The following CRTAC1 variants were observed in gnomAD, a reference collection of about 807,000 sequenced individuals.
CRTAC1 encodes the protein cartilage acidic protein 1.
In CRTAC1, 37 loss-of-function variants were observed where a neutral mutation model predicts 67.8. That is an observed-to-expected ratio of 0.55 (90% CI 0.42 to 0.72). The LOEUF is 0.72. Ranked by LOEUF, CRTAC1 falls within the 30% of genes least tolerant of loss-of-function variation. The pLI is 0.00. For synonymous variants in CRTAC1, 348 were observed against 371.0 expected, an observed-to-expected ratio of 0.94 and a Z score of 0.71; for missense variants, 780 against 931.6, an observed-to-expected ratio of 0.84 and a Z score of 2.12.
At chr10:97,921,594 T>TC (rs1422149396) in intron 4 of CRTAC1, among the ~76,000 whole-genome samples, 1 of 152,190 alleles carries the variant, frequency 6.6e-6, no homozygotes. Context: ...GCTCGGCATG[T>TC]CCCTAGTGTA....
At chr10:97,909,256 C>T (rs1043764914) in intron 5 of CRTAC1, among the ~76,000 whole-genome samples, 1 of 152,100 alleles carries the variant, frequency 6.6e-6, no homozygotes. Context: ...GGCCCCACCT[C>T]CAGCTCCCAG....
chr10:97,977,074 C>T (rs2051817419), intron 2 of CRTAC1, among the ~76,000 whole-genome samples: 1 of 152,178 alleles, frequency 6.6e-6, no homozygotes. Flanking sequence ...CTAAGCATTT[C>T]TATGCAGTTG....
intron 11 of CRTAC1, among the ~76,000 whole-genome samples, chr10:97,889,133 G>T (rs1402639793): frequency 6.6e-6 from 1 of 150,762 alleles, no homozygotes; most frequent in Non-Finnish European, 1.5e-5. Flanking sequence ...GGAGGGAAGG[G>T]GGGGAGGGGG....
At chr10:97,929,624 T>G (rs1425381442) in intron 3 of CRTAC1, among the ~76,000 whole-genome samples, 1 of 152,184 alleles carries the variant, frequency 6.6e-6, no homozygotes, top group African/African-American at 2.4e-5. Flanking sequence ...CTTGGGCAAC[T>G]CATGAACTTG....
chr10:98,004,674 T>C (rs561468902), intron 2 of CRTAC1, among the ~76,000 whole-genome samples: 17 of 152,030 alleles, frequency 1.1e-4, no homozygotes, highest in African/African-American at 4.1e-4. Flanking sequence ...ACTTGAGGAA[T>C]GGCAAAATGA....
chr10:98,019,198 C>T (rs1054290056), intron 1 of CRTAC1, among the ~76,000 whole-genome samples: 8 of 152,228 alleles, frequency 5.3e-5, no homozygotes, highest in South Asian at 2.1e-4. Context: ...GACAGAGAGC[C>T]GACTTTGCAA....
Position 97,991,099 on chromosome 10 carries a change from C to CAAAAAAAAAAA in CRTAC1, c.224+20028_224+20038dup, listed in dbSNP as rs757267901. On this transcript the variant is annotated intron_variant, in intron 2 of 14. Coordinates refer to ENST00000370597, the MANE Select transcript of CRTAC1 (RefSeq NM_018058.7). ...GGCAACATACGAGAAACCATCTCTA[C>CAAAAAAAAAAA]AAAAAAAAAAAAAAAAAAAAAAAAA... is the stretch of plus-strand genomic sequence containing the variant. 3.7e-3 allele frequency among the ~76,000 whole-genome samples: 67 copies of CAAAAAAAAAAA among 17,970 alleles called. 4 individuals carry two copies. Among genetic ancestry groups the CAAAAAAAAAAA allele is most frequent in the African/African-American group, 4.7e-3 (25 of 5,336 alleles). 11.8% of individuals were successfully genotyped at this position (17,970 alleles called of 152,430 possible).
At chr10:97,988,239 C>A (rs747959631) in intron 2 of CRTAC1, among the ~76,000 whole-genome samples, 8 of 147,298 alleles carry the variant, frequency 5.4e-5, no homozygotes, top group Non-Finnish European at 1.0e-4. Flanking sequence ...AGTATGCCTC[C>A]TCTAGATCCT....
intron 11 of CRTAC1, among the ~76,000 whole-genome samples, chr10:97,887,839 T>C (rs1040050837): frequency 9.2e-5 from 14 of 152,250 alleles, no homozygotes; most frequent in Non-Finnish European, 2.9e-5. Flanking sequence ...CATCGGCTCT[T>C]GGTCATGGGG....
chr10:97,949,327 C>A (rs1161155067), intron 2 of CRTAC1, among the ~76,000 whole-genome samples: 1 of 152,208 alleles, frequency 6.6e-6, no homozygotes, highest in East Asian at 1.9e-4. Flanking sequence ...AGAAGACAGA[C>A]CCTGCACCAG....
chr10:98,010,555 T>C (rs886375251), intron 2 of CRTAC1, among the ~76,000 whole-genome samples: 1 of 152,206 alleles, frequency 6.6e-6, no homozygotes, highest in African/African-American at 2.4e-5. Flanking sequence ...ATTCCTAGTC[T>C]TATGCTTTTT....
At chr10:97,943,968 T>G (rs2051219154) in intron 2 of CRTAC1, among the ~76,000 whole-genome samples, 1 of 151,804 alleles carries the variant, frequency 6.6e-6, no homozygotes, top group South Asian at 2.1e-4. Context: ...AACAAAAAAT[T>G]AGAATAAGGT....
chr10:97,876,057 A>C (rs1288401686), intron 14 of CRTAC1, among the ~76,000 whole-genome samples: 1 of 152,208 alleles, frequency 6.6e-6, no homozygotes, highest in Non-Finnish European at 1.5e-5. Context: ...GGACTATTTC[A>C]GATCACTAGG....
chr10:97,939,776 C>T (rs1473288807), intron 2 of CRTAC1, among the ~76,000 whole-genome samples: 3 of 152,148 alleles, frequency 2.0e-5, no homozygotes, highest in Admixed American at 6.5e-5. Context: ...TCCCCTCCCA[C>T]GGGGAATGCT....
chr10:98,017,700 A>AT (rs397846855), intron 1 of CRTAC1, among the ~76,000 whole-genome samples: 3,809 of 129,132 alleles, frequency 0.029, 77 homozygotes, highest in African/African-American at 0.06. Context: ...ACTCCTGGCT[A>AT]TTTTTTTTTT....
chr10:97,956,662 C>T (rs1438431993), intron 2 of CRTAC1, among the ~76,000 whole-genome samples: 1 of 146,170 alleles, frequency 6.8e-6, no homozygotes, highest in East Asian at 1.9e-4. Flanking sequence ...TTCTAAATCA[C>T]TGAAATCTAC....
At chr10:97,948,854 A>C (rs2051305535) in intron 2 of CRTAC1, among the ~76,000 whole-genome samples, 1 of 152,196 alleles carries the variant, frequency 6.6e-6, no homozygotes, top group African/African-American at 2.4e-5. Context: ...GGAAGCAAAC[A>C]CTTCCTTCTT....
intron 1 of CRTAC1, among the ~76,000 whole-genome samples, chr10:98,014,669 C>T (rs986686023): frequency 6.6e-6 from 1 of 152,010 alleles, no homozygotes; most frequent in Non-Finnish European, 1.5e-5. Context: ...GACATTTCTC[C>T]GAAGATATAC....
Position 98,010,078 on chromosome 10 carries a change from C to T in CRTAC1, c.224+1060G>A, listed in dbSNP as rs571788390. On this transcript the variant is annotated intron_variant, in intron 2 of 14. Transcript: ENST00000370597. ...TTTTTTAGATGGAGTCTTGCTCTGTCGCCCAGGCTGGAGTGCAGTGGTGCC... is the reference window on the plus strand; with the variant it reads ...TTTTTTAGATGGAGTCTTGCTCTGTTGCCCAGGCTGGAGTGCAGTGGTGCC... Among the ~76,000 whole-genome samples the T allele has an allele frequency of 1.6e-4, 24 of 149,920 alleles. No homozygotes were observed. The South Asian group carries it at 3.8e-3, about 24-fold the overall frequency.
Sources: gnomAD v4.1 joint callset for allele counts (sites outside exome capture counted in the v4.1 genomes callset) on GRCh38, gnomAD v4.1.1 for gene constraint, MANE v1.5 for transcripts, NCBI Gene and HGNC (gene_info 2026-07-23, HGNC 2026-07-21) for gene names.